Variants in LRRC4C observed in about 807,000 individuals in gnomAD.
The protein encoded by LRRC4C is leucine rich repeat containing 4C.
A neutral mutation model predicts 33.6 loss-of-function variants in LRRC4C; 5 were observed. That is an observed-to-expected ratio of 0.15 (90% CI 0.08 to 0.31). The LOEUF is 0.31. Ranked by LOEUF, LRRC4C falls within the 10% of genes least tolerant of loss-of-function variation. The pLI, the probability that LRRC4C is intolerant of heterozygous loss-of-function variation, is 1.00. For synonymous variants in LRRC4C, 329 were observed against 302.0 expected, an observed-to-expected ratio of 1.09 and a Z score of -0.93; for missense variants, 560 against 796.7, an observed-to-expected ratio of 0.70 and a Z score of 3.58.
intron 1 of LRRC4C, among the ~76,000 whole-genome samples, chr11:41,073,227 G>A (rs1280345305): frequency 6.6e-6 from 1 of 152,152 alleles, no homozygotes; most frequent in Non-Finnish European, 1.5e-5. Context: ...TGTGTATCTG[G>A]TGAGGGCCTC....
At chr11:40,390,123 T>C (rs764119288) in intron 3 of LRRC4C, among the ~76,000 whole-genome samples, 19 of 152,202 alleles carry the variant, frequency 1.2e-4, no homozygotes, top group Admixed American at 2.6e-4. Context: ...AGCTGACATG[T>C]TGAAAAATCA....
At chr11:41,431,498 C>T (rs190977651) in intron 1 of LRRC4C, among the ~76,000 whole-genome samples, 1 of 152,040 alleles carries the variant, frequency 6.6e-6, no homozygotes, top group African/African-American at 2.4e-5. Flanking sequence ...ACAATTTTCC[C>T]CCTTGGTCAT....
chr11:40,205,469 G>A (rs1169961987), intron 5 of LRRC4C, among the ~76,000 whole-genome samples: 1 of 152,078 alleles, frequency 6.6e-6, no homozygotes, highest in Admixed American at 6.5e-5. Context: ...GGGGTGAGAA[G>A]AATAATAGCT....
chr11:40,270,139 T>C (rs369959935), intron 4 of LRRC4C, among the ~76,000 whole-genome samples: 5 of 152,290 alleles, frequency 3.3e-5, no homozygotes, highest in African/African-American at 7.2e-5. Flanking sequence ...CTTATGTTAA[T>C]GGTAGCCACA....
chr11:41,038,770 C>T (rs925120148), intron 1 of LRRC4C, among the ~76,000 whole-genome samples: 4 of 152,072 alleles, frequency 2.6e-5, no homozygotes, highest in Non-Finnish European at 5.9e-5. Flanking sequence ...AAAATCTCAT[C>T]CCCCTAAAGT....
chr11:40,172,430 A>G (rs1488987422), intron 5 of LRRC4C, among the ~76,000 whole-genome samples: 2 of 152,124 alleles, frequency 1.3e-5, no homozygotes, highest in Non-Finnish European at 2.9e-5. Flanking sequence ...TCAGATCACT[A>G]TCATTCCCTC....
chr11:41,102,421 T>TG (rs1941246023), intron 1 of LRRC4C, among the ~76,000 whole-genome samples: 1 of 152,072 alleles, frequency 6.6e-6, no homozygotes, highest in Admixed American at 6.6e-5. Flanking sequence ...CTGAGGTGTG[T>TG]TTTCCAAAAT....
chr11:41,131,694 G>A (rs1173398344), intron 1 of LRRC4C, among the ~76,000 whole-genome samples: 1 of 152,034 alleles, frequency 6.6e-6, no homozygotes, highest in Non-Finnish European at 1.5e-5. Flanking sequence ...GTTGGCACAA[G>A]ACAAAAGTCA....
chr11:41,363,756 T>C (rs1047527845), intron 1 of LRRC4C, among the ~76,000 whole-genome samples: 3 of 152,222 alleles, frequency 2.0e-5, no homozygotes, highest in East Asian at 3.9e-4. Flanking sequence ...TTTACAACTT[T>C]CTTTCCAAGT....
chr11:40,361,550 A>T (rs1156237741), intron 3 of LRRC4C, among the ~76,000 whole-genome samples: 1 of 152,216 alleles, frequency 6.6e-6, no homozygotes, highest in South Asian at 2.1e-4. Flanking sequence ...CTAACCAGGG[A>T]GGTGAAATAT....
chr11:40,538,477 G>A (rs1956568484), intron 3 of LRRC4C, among the ~76,000 whole-genome samples: 1 of 152,000 alleles, frequency 6.6e-6, no homozygotes, highest in African/African-American at 2.4e-5. Context: ...CTTTTTTGTG[G>A]CTGCTTAGTA....
At chr11:40,283,753 G>A (rs1024014684) in intron 4 of LRRC4C, among the ~76,000 whole-genome samples, 2 of 137,244 alleles carry the variant, frequency 1.5e-5, no homozygotes, top group Non-Finnish European at 3.0e-5. Flanking sequence ...TACCCAGGCT[G>A]GAGTGCAATG....
At chr11:40,346,178 A>G (rs1171474479) in intron 3 of LRRC4C, among the ~76,000 whole-genome samples, 3 of 152,204 alleles carry the variant, frequency 2.0e-5, no homozygotes, top group African/African-American at 7.2e-5. Flanking sequence ...ATACCATTTC[A>G]CCCAGAAATC....
At chr11:41,422,795 T>C (rs1954915776) in intron 1 of LRRC4C, among the ~76,000 whole-genome samples, 1 of 152,030 alleles carries the variant, frequency 6.6e-6, no homozygotes, top group East Asian at 1.9e-4. Flanking sequence ...TTTTTCTTTT[T>C]CTTTATAAGT....
chr11:40,160,604 G>A (rs908958641), intron 5 of LRRC4C, among the ~76,000 whole-genome samples: 2 of 152,172 alleles, frequency 1.3e-5, no homozygotes, highest in South Asian at 2.1e-4. Flanking sequence ...ACTGAAAAAG[G>A]AGTAAGTGAT....
chr11:40,888,263 A>G (rs778017103), intron 2 of LRRC4C, among the ~76,000 whole-genome samples: 19 of 151,922 alleles, frequency 1.3e-4, no homozygotes, highest in Non-Finnish European at 2.2e-4. Context: ...AAATATGTCA[A>G]TGATAATTTA....
intron 1 of LRRC4C, among the ~76,000 whole-genome samples, chr11:41,003,549 G>A (rs1854529431): frequency 6.6e-6 from 1 of 152,034 alleles, no homozygotes; most frequent in Non-Finnish European, 1.5e-5. Flanking sequence ...TATGCTGAGG[G>A]ATTGACAAGA....
rs572078386 is a variant in LRRC4C at position 40,816,220 on chromosome 11, A to G, written c.-407+117415T>C. Among the ~76,000 whole-genome samples the G allele has an allele frequency of 3.9e-4, 59 of 152,306 alleles. No individual in the cohort carries two copies. In the South Asian group the frequency reaches 0.011, roughly 29 times the overall value. ...AATGGAAGATCATTAATTCTAGGCC[A>G]CTAGAGGTTATCAGGAGGAACTGGG... On this transcript the variant is annotated intron_variant, in intron 2 of 6. Transcript: ENST00000528697.
intron 3 of LRRC4C, among the ~76,000 whole-genome samples, chr11:40,409,780 T>C (rs1950089462): frequency 6.6e-6 from 1 of 152,004 alleles, no homozygotes; most frequent in Admixed American, 6.6e-5. Context: ...ACACTGTTGA[T>C]GGGAATGTAA....
Sources: allele counts gnomAD v4.1 joint callset (sites outside exome capture counted in the v4.1 genomes callset), GRCh38; gene constraint gnomAD v4.1.1; transcripts MANE v1.5; gene names NCBI Gene and HGNC (gene_info 2026-07-23, HGNC 2026-07-21).